The following TBCD variants were observed in gnomAD, a reference collection of about 807,000 sequenced individuals.
The protein encoded by TBCD is tubulin-specific chaperone D.
Under a neutral mutation model 169.3 loss-of-function variants are expected in TBCD, and 105 were observed. The observed-to-expected ratio is 0.62, with a 90% confidence interval of 0.53 to 0.73. The LOEUF is 0.73. Ranked by LOEUF, TBCD falls within the 30% of genes least tolerant of loss-of-function variation. TBCD has a pLI of 0.00. For synonymous variants in TBCD, 700 were observed against 643.9 expected (o/e 1.09, Z -1.32); for missense variants, 1,444 against 1,600.1 (o/e 0.90, Z 1.66).
At chr17:82,834,155 C>T (rs974615932) in intron 13 of TBCD, among the ~76,000 whole-genome samples, 1 of 152,138 alleles carries the variant, frequency 6.6e-6, no homozygotes, top group Non-Finnish European at 1.5e-5. Flanking sequence ...GCCATGTGGG[C>T]CAGGCTGGTC....
rs1338211631 is a variant in TBCD, at chr17:82,831,165, C to T, written c.1318+16231C>T. On this transcript the variant is annotated intron_variant, in intron 13 of 38. Transcript: ENST00000355528. The surrounding 1 kb of genome is among the most constrained non-coding windows in gnomAD (Gnocchi z 4.6). The stretch of plus-strand genomic sequence containing the variant: ...AGGCTGCCTTGTTGGAGAGGTCGTA[C>T]AGGCCTTCGCAGGTCTGGCTCGTCT... 5.6e-6 allele frequency: 9 copies of T among 1,614,020 alleles called. No individual in the cohort carries two copies. The highest frequency in any genetic ancestry group is 5.0e-5 in the Admixed American group (3 of 60,006).
intron 14 of TBCD, among the ~76,000 whole-genome samples, chr17:82,876,163 T>C (rs2057956751): frequency 6.6e-6 from 1 of 152,108 alleles, no homozygotes; most frequent in Non-Finnish European, 1.5e-5. Flanking sequence ...CTGCCGAAAA[T>C]GAGGTGCCTG....
At position 82,884,008 on chromosome 17, in the gene TBCD, A is replaced by C; in HGVS notation, c.1476-137A>C. 1 of 765,362 alleles carries C rather than the reference A, an allele frequency of 1.3e-6. No homozygotes were observed. The allele number at this position is 765,362 out of a possible 1,614,324, so 47.4% of individuals were successfully genotyped here. A position where few individuals can be genotyped will look rare whatever the true frequency, so the allele number is the denominator to read the frequency against. On this transcript the variant is annotated intron_variant, in intron 14 of 38. Coordinates refer to ENST00000355528, the MANE Select transcript of TBCD (RefSeq NM_005993.5). This position sits in a 1 kb window ranked among gnomAD's most constrained non-coding sequence, Gnocchi z 4.2. ...CTGTCTGCAGTCCCTGGGTGCCTCA[A>C]GCTGTGTGTTGCCTGTGGGGCATGT...
chr17:82,900,518 A>C, intron 17 of TBCD, 133 bp from the exon 18 acceptor site: 2 of 686,508 alleles, frequency 2.9e-6, no homozygotes, highest in Non-Finnish European at 5.2e-6. Context: ...TCAGGAGGGA[A>C]TGGCTGGATC....
intron 35 of TBCD, 32 bp downstream of exon 35, chr17:82,937,392 A>AT: frequency 6.2e-7 from 1 of 1,602,396 alleles, no homozygotes; most frequent in South Asian, 1.1e-5. Flanking sequence ...CCTTAGACGG[A>AT]ATGGCAGGGC....
chr17:82,842,874 A>G (rs1380749537), intron 13 of TBCD, among the ~76,000 whole-genome samples: 2 of 142,522 alleles, frequency 1.4e-5, no homozygotes, highest in African/African-American at 2.7e-5. Context: ...TCCACCTCCC[A>G]TGTTCACGCC....
At chr17:82,871,257 GATTCA>G (rs1395895004) in intron 14 of TBCD, among the ~76,000 whole-genome samples, 1 of 152,076 alleles carries the variant, frequency 6.6e-6, no homozygotes, top group African/African-American at 2.4e-5. Flanking sequence ...CGCAGGAAAC[GATTCA>G]ATTCAATTCA....
intron 23 of TBCD, among the ~76,000 whole-genome samples, chr17:82,914,360 C>T (rs917723970): frequency 6.6e-6 from 1 of 152,154 alleles, no homozygotes; most frequent in Non-Finnish European, 1.5e-5. Flanking sequence ...CTCTGGGGCA[C>T]GTGTGCTGTT....
intron 36 of TBCD, among the ~76,000 whole-genome samples, chr17:82,938,576 A>T (rs1446502272): frequency 6.6e-6 from 1 of 152,242 alleles, no homozygotes; most frequent in South Asian, 2.1e-4. Context: ...TTCATGTTGT[A>T]TGGTGGTTCT....
chr17:82,850,266 T>C (rs868616100), intron 13 of TBCD, among the ~76,000 whole-genome samples: 2,807 of 118,822 alleles, frequency 0.024, 181 homozygotes, highest in African/African-American at 0.087. Flanking sequence ...GGCTGTGTTG[T>C]TGTTGGCTGT....
chr17:82,887,176 C>CG (rs1217926505), intron 15 of TBCD, among the ~76,000 whole-genome samples: 1 of 67,570 alleles, frequency 1.5e-5, no homozygotes, highest in South Asian at 5.1e-4. Context: ...TGTGCGCGCG[C>CG]GCGCACGTGC....
chr17:82,934,944 C>A (rs2062494594), intron 34 of TBCD, among the ~76,000 whole-genome samples: 1 of 152,132 alleles, frequency 6.6e-6, no homozygotes, highest in Admixed American at 6.5e-5. Context: ...ACAAAAAATA[C>A]AAAAACATTA....
chr17:82,828,035 G>A (rs896448372), intron 13 of TBCD, among the ~76,000 whole-genome samples: 3 of 135,726 alleles, frequency 2.2e-5, no homozygotes, highest in East Asian at 2.4e-4. Flanking sequence ...GGACACGCAC[G>A]ATTCAATATG....
intron 17 of TBCD, among the ~76,000 whole-genome samples, chr17:82,898,749 A>G (rs1368750060): frequency 2.6e-5 from 4 of 152,216 alleles, no homozygotes; most frequent in African/African-American, 9.6e-5. Flanking sequence ...GTTTCGAGTC[A>G]TAATTAGAAA....
intron 6 of TBCD, among the ~76,000 whole-genome samples, chr17:82,778,301 A>G (rs1323508671): frequency 6.6e-6 from 1 of 151,824 alleles, no homozygotes; most frequent in Non-Finnish European, 1.5e-5. Context: ...TTTTCCATTC[A>G]TTTCTAATGC....
rs773790897 is a variant in TBCD at position 82,805,891 on chromosome 17, C to T, written c.967C>T (p.Arg323Ter). 1.6e-5 allele frequency: 26 copies of T among 1,609,174 alleles called. No individual in the cohort carries two copies. In the Admixed American group the frequency reaches 3.3e-4, roughly 21 times the overall value. ...TTTGCACAGGTACCAGCGTGGCTGCCGATCTTTGGCTGCAAATCTGCAGCT... is the reference window on the plus strand; with the variant it reads ...TTTGCACAGGTACCAGCGTGGCTGCTGATCTTTGGCTGCAAATCTGCAGCT... ...VAAWRYQRGC[R>*]SLAANLQLLT... Residue 323 changes from arginine (R) to a stop codon, truncating the protein, a stop_gained, in exon 10 of 39, where the codon CGA becomes TGA. Coordinates refer to ENST00000355528, the MANE Select transcript of TBCD (RefSeq NM_005993.5). LOFTEE classifies it high-confidence loss of function.
At position 82,766,719 on chromosome 17, in the gene TBCD, C is replaced by T. The variant is rs976084994; in HGVS notation, c.435+351C>T. On this transcript the variant is annotated intron_variant, in intron 4 of 38. Coordinates refer to ENST00000355528, the MANE Select transcript of TBCD (RefSeq NM_005993.5). ...TACTTCCTGAGCGGGACTCACAGCA[C>T]TCAGCATAGAGTCCTCCTTTTGGCT... Among the ~76,000 whole-genome samples the T allele has an allele frequency of 3.3e-5, 5 of 152,142 alleles. No individual in the cohort carries two copies. In the East Asian group the frequency reaches 9.6e-4, roughly 29 times the overall value.
At chr17:82,799,327 C>T (rs973988675) in intron 8 of TBCD, among the ~76,000 whole-genome samples, 2 of 151,042 alleles carry the variant, frequency 1.3e-5, no homozygotes, top group African/African-American at 4.9e-5. Context: ...CCTGTAATCC[C>T]AGCTACTCGG....
intron 13 of TBCD, among the ~76,000 whole-genome samples, chr17:82,834,356 G>C (rs2053781650): frequency 6.6e-6 from 1 of 152,126 alleles, no homozygotes; most frequent in Non-Finnish European, 1.5e-5. Flanking sequence ...ATGGGGTGGA[G>C]GTGCAATGGA....
Sources: allele counts gnomAD v4.1 joint callset (sites outside exome capture counted in the v4.1 genomes callset), GRCh38; gene constraint gnomAD v4.1.1; non-coding constraint Gnocchi (gnomAD v3.1); transcripts MANE v1.5; gene names NCBI Gene and HGNC (gene_info 2026-07-23, HGNC 2026-07-21).